The following PCDHGA1 variants were observed in gnomAD, a reference collection of about 807,000 sequenced individuals.
PCDHGA1 encodes the protein protocadherin gamma subfamily A, 1, also known as protocadherin gamma-A1.
PCDHGA1 carries 32 observed loss-of-function variants against 58.0 expected under a neutral mutation model. The observed-to-expected ratio is 0.55, with a 90% confidence interval of 0.42 to 0.74. The LOEUF is 0.74. PCDHGA1 is among the 30% of genes least tolerant of loss of function. The pLI is 0.00. For missense variants in PCDHGA1, 1,205 were observed against 1,182.3 expected (o/e 1.02, Z -0.28); for synonymous variants, 498 against 501.1 (o/e 0.99, Z 0.08).
chr5:141,409,033 A>C, intron 1 of PCDHGA1: 1 of 1,614,028 alleles, frequency 6.2e-7, no homozygotes, highest in South Asian at 1.1e-5. Context: ...ATGCTGAGAT[A>C]AACTACTACT....
In PCDHGA1 at chr5:141,357,452, A is replaced by T. The variant is rs191856685; in HGVS notation, c.2421+24347A>T. On this transcript the variant is annotated intron_variant, in intron 1 of 3. Coordinates refer to ENST00000517417, the MANE Select transcript of PCDHGA1 (RefSeq NM_018912.3). ...GTGGACGGGGTTCGGGCTTTCCTGCAGACCTATTCCCACGAGGTCTCCCTC... is the reference window on the plus strand; with the variant it reads ...GTGGACGGGGTTCGGGCTTTCCTGCTGACCTATTCCCACGAGGTCTCCCTC... 2.9e-4 allele frequency: 471 copies of T among 1,614,228 alleles called. No individual in the cohort carries two copies. The highest frequency in any genetic ancestry group is 3.7e-4 in the Non-Finnish European group (441 of 1,180,050).
intron 1 of PCDHGA1, chr5:141,365,650 G>A (rs1764040779): frequency 6.2e-7 from 1 of 1,613,296 alleles, no homozygotes; most frequent in South Asian, 1.1e-5. Flanking sequence ...ACATCCCCTT[G>A]AAAGTAGCAG....
At position 141,502,665 on chromosome 5, in the gene PCDHGA1, A is replaced by G. The variant is rs192555506; in HGVS notation, c.2481-2728A>G. The stretch of plus-strand genomic sequence containing the variant: ...GAGATAGGCAGCAACCCTTCATGCA[A>G]TTTTAGTATTCCCTGATGATCCTTG... On this transcript the variant is annotated intron_variant, in intron 2 of 3. Transcript: ENST00000517417. 3.7e-3 allele frequency among the ~76,000 whole-genome samples: 568 copies of G among 152,330 alleles called. 1 individual carries two copies. Among genetic ancestry groups the G allele is most frequent in the African/African-American group, 0.013 (544 of 41,584 alleles).
chr5:141,384,201 G>C (rs369190060), intron 1 of PCDHGA1: 30 of 1,613,802 alleles, frequency 1.9e-5, no homozygotes, highest in Non-Finnish European at 2.5e-5. Flanking sequence ...CCTTGTCCAG[G>C]GAAACTCACA....
In PCDHGA1 at chr5:141,376,747, C is replaced by A. The variant is rs532627412; in HGVS notation, c.2421+43642C>A. 2,536 of 471,218 alleles carry A rather than the reference C, an allele frequency of 5.4e-3. 48 individuals carry two copies. The highest frequency in any genetic ancestry group is 0.052 in the African/African-American group (2,354 of 45,460). The allele number at this position is 471,218 out of a possible 1,614,324, so 29.2% of individuals were successfully genotyped here. ...CAGGCCGGACTGCGGACTGCAGTGG[C>A]GCAATCTCGGCTCACTGCAAGCTCC... On this transcript the variant is annotated intron_variant, in intron 1 of 3. Transcript: ENST00000517417.
chr5:141,412,459 A>C (rs1267719740), intron 1 of PCDHGA1: 1 of 152,232 alleles, frequency 6.6e-6, no homozygotes, highest in Non-Finnish European at 1.5e-5. Flanking sequence ...AAACTATTCT[A>C]GAAGAGTACT....
intron 1 of PCDHGA1, chr5:141,344,482 C>G: frequency 1.2e-6 from 2 of 1,613,902 alleles, no homozygotes; most frequent in Non-Finnish European, 1.7e-6. Context: ...GTTCCTGGAA[C>G]CCGATTTCCA....
At chr5:141,355,130 A>AC in intron 1 of PCDHGA1, 1 of 1,518,662 alleles carries the variant, frequency 6.6e-7, no homozygotes, top group East Asian at 2.3e-5. Context: ...TTGGACCCAG[A>AC]AGATCCTGGG....
At chr5:141,498,980 GGAAGGAA>G in intron 2 of PCDHGA1, among the ~76,000 whole-genome samples, 1 of 44,970 alleles carries the variant, frequency 2.2e-5, no homozygotes, top group South Asian at 1.0e-3. Context: ...AGGGAAGGAA[GGAAGGAA>G]GGAAGGAAGG....
chr5:141,387,276 GAAAGAAAGATA>G (rs2090886505), intron 1 of PCDHGA1, among the ~76,000 whole-genome samples: 1 of 152,142 alleles, frequency 6.6e-6, no homozygotes, highest in Non-Finnish European at 1.5e-5. Context: ...TAGGAACAAT[GAAAGAAAGATA>G]AAATGTATCC....
chr5:141,391,887 T>C (rs970251505), intron 1 of PCDHGA1: 1 of 152,200 alleles, frequency 6.6e-6, no homozygotes, highest in Non-Finnish European at 1.5e-5. Context: ...GTGAAAGGGA[T>C]GGGATGGAGC....
intron 1 of PCDHGA1, among the ~76,000 whole-genome samples, chr5:141,455,776 A>G (rs1386162201): frequency 6.6e-6 from 1 of 152,186 alleles, no homozygotes. Context: ...GGGCTTTAAA[A>G]GAAACTTTTC....
chr5:141,370,601 T>G, intron 1 of PCDHGA1: 2 of 1,614,004 alleles, frequency 1.2e-6, no homozygotes, highest in Non-Finnish European at 1.7e-6. Context: ...TGCGGGTTAT[T>G]GCAGAGAAGA....
At chr5:141,350,611 T>G (rs764436152) in intron 1 of PCDHGA1, 1 of 1,613,920 alleles carries the variant, frequency 6.2e-7, no homozygotes, top group Non-Finnish European at 8.5e-7. Context: ...TCCACGTGGT[T>G]GTTGTAATCC....
Position 141,486,914 on chromosome 5 carries a change from C to T in PCDHGA1, c.2422-7893C>T, listed in dbSNP as rs1469857080. On this transcript the variant is annotated intron_variant, in intron 1 of 3. Coordinates refer to ENST00000517417, the MANE Select transcript of PCDHGA1 (RefSeq NM_018912.3). This position sits in a 1 kb window ranked among gnomAD's most constrained non-coding sequence, Gnocchi z 5.0. ...TGGTTCCTTATGTCCCCAAGCACTG[C>T]CTCCATCAGTTGGTGCTGGCCACCT... The T allele has an allele frequency of 6.2e-7, 1 of 1,614,236 alleles. No individual in the cohort carries two copies.
chr5:141,397,949 A>AGCCCCAGCTCAGAC (rs1391996511), intron 1 of PCDHGA1: 1 of 916,660 alleles, frequency 1.1e-6, no homozygotes, highest in Non-Finnish European at 1.6e-6. Context: ...TTTCCAGGGC[A>AGCCCCAGCTCAGAC]GCCCCAGCTC....
At chr5:141,355,494 A>G in intron 1 of PCDHGA1, 1 of 1,614,040 alleles carries the variant, frequency 6.2e-7, no homozygotes. Context: ...TCTGCGACAG[A>G]TCTCCAAACT....
intron 1 of PCDHGA1, chr5:141,430,857 A>C (rs748992376): frequency 1.9e-6 from 3 of 1,591,316 alleles, no homozygotes; most frequent in Non-Finnish European, 2.6e-6. Flanking sequence ...CAGATACGCT[A>C]TTCAGTTCCG....
In PCDHGA1 at chr5:141,478,732, T is replaced by C. The variant is rs772167680; in HGVS notation, c.2422-16075T>C. 7.2e-6 allele frequency: 11 copies of C among 1,537,428 alleles called. No homozygotes were observed. In the South Asian group the frequency reaches 1.2e-4, roughly 17 times the overall value. On this transcript the variant is annotated intron_variant, in intron 1 of 3. Transcript: ENST00000517417. ...GAGATGGTGGCCTGCCAGAGTGTGG[T>C]TTGTGGTCCCATTTCAGGGGGAAGA...
Sources: gnomAD v4.1 joint callset for allele counts (sites outside exome capture counted in the v4.1 genomes callset) on GRCh38, gnomAD v4.1.1 for gene constraint, Gnocchi (gnomAD v3.1) non-coding constraint, MANE v1.5 for transcripts, NCBI Gene and HGNC (gene_info 2026-07-23, HGNC 2026-07-21) for gene names.